Variants in EIF4E observed in about 807,000 individuals in gnomAD.
EIF4E encodes eIF-4F 25 kDa subunit.
For synonymous variants in EIF4E, 71 were observed against 88.5 expected (o/e 0.80, Z 1.11); for missense variants, 113 against 265.6 (o/e 0.43, Z 3.99).
At chr4:98,883,744 A>G (rs1330944856) in intron 6 of EIF4E, among the ~76,000 whole-genome samples, 1 of 148,142 alleles carries the variant, frequency 6.8e-6, no homozygotes, top group Non-Finnish European at 1.5e-5. Context: ...GAAATCTTAG[A>G]AAAAAAATGT....
chr4:98,894,874 T>G (rs1724307633), intron 2 of EIF4E, among the ~76,000 whole-genome samples: 1 of 152,236 alleles, frequency 6.6e-6, no homozygotes, highest in Non-Finnish European at 1.5e-5. Context: ...CATTTCAAGC[T>G]TTTGATTTAA....
At chr4:98,917,999 G>T (rs182648665) in intron 1 of EIF4E, among the ~76,000 whole-genome samples, 142 of 152,144 alleles carry the variant, frequency 9.3e-4, no homozygotes, top group African/African-American at 3.3e-3. Context: ...TCGCTTGAAC[G>T]TGGGAGGCGG....
At chr4:98,925,655 A>G (rs777876084) in intron 1 of EIF4E, among the ~76,000 whole-genome samples, 2 of 152,228 alleles carry the variant, frequency 1.3e-5, no homozygotes, top group East Asian at 1.9e-4. Context: ...ACTGAAAATG[A>G]TATTTTATGT....
rs185861864 is a variant in EIF4E, at chr4:98,891,959, T to G, written c.126-627A>C. Among the ~76,000 whole-genome samples, 38 of 152,220 alleles carry G rather than the reference T, an allele frequency of 2.5e-4. 1 individual carries two copies. The highest frequency in any genetic ancestry group is 8.4e-4 in the African/African-American group (35 of 41,526). On this transcript the variant is annotated intron_variant, in intron 2 of 6. Coordinates refer to ENST00000450253, the MANE Select transcript of EIF4E (RefSeq NM_001968.5). ...CTAGAGACCCAAGACACACTGAAAC[T>G]CATCACTCAACGGAATTCACAGAAA...
At chr4:98,885,147 C>A in intron 5 of EIF4E, 86 bp from the exon 6 acceptor site, 1 of 1,466,120 alleles carries the variant, frequency 6.8e-7, no homozygotes, top group Non-Finnish European at 9.3e-7. Context: ...TGCATAGAAA[C>A]TAAAGGCAGT....
chr4:98,927,291 T>C (rs1020560339), intron 1 of EIF4E, among the ~76,000 whole-genome samples: 9 of 152,214 alleles, frequency 5.9e-5, no homozygotes, highest in Admixed American at 3.9e-4. Flanking sequence ...AAGGTAAGGA[T>C]AGTTTACACC....
intron 1 of EIF4E, among the ~76,000 whole-genome samples, chr4:98,919,532 C>T (rs1725556020): frequency 6.6e-6 from 1 of 150,998 alleles, no homozygotes; most frequent in Non-Finnish European, 1.5e-5. Context: ...TACATTTGCA[C>T]ACACCAGAAT....
intron 1 of EIF4E, chr4:98,926,557 T>C (rs1245433643): frequency 1.3e-5 from 2 of 151,986 alleles, no homozygotes; most frequent in Admixed American, 1.3e-4. Flanking sequence ...AAAAAAAAAT[T>C]CATTTCTCAC....
At chr4:98,927,654 C>CAAAAAAAAAAAAAA (rs774720176) in intron 1 of EIF4E, among the ~76,000 whole-genome samples, 2 of 35,090 alleles carry the variant, frequency 5.7e-5, no homozygotes, top group Non-Finnish European at 1.1e-4. Context: ...GACTCCATCT[C>CAAAAAAAAAAAAAA]AAAAAAAAAA....
intron 2 of EIF4E, among the ~76,000 whole-genome samples, chr4:98,896,793 T>C (rs1433131791): frequency 6.9e-6 from 1 of 144,776 alleles, no homozygotes; most frequent in Admixed American, 7.1e-5. Context: ...GCCTGGGAAA[T>C]AGCAAAACTC....
chr4:98,887,331 A>C lies in EIF4E; in HGVS notation c.286-139T>G. On this transcript the variant is annotated intron_variant, in intron 4 of 6. Transcript: ENST00000450253. The surrounding 1 kb of genome is among the most constrained non-coding windows in gnomAD (Gnocchi z 4.0). ...AAACTGCCATTGATGTAGTTTTTAA[A>C]CAGCACATAAGACTTAAAGCCAGAG... 1 of 877,470 alleles carries C rather than the reference A, an allele frequency of 1.1e-6. No individual in the cohort carries two copies. The highest frequency in any genetic ancestry group is 1.9e-6 in the Non-Finnish European group (1 of 527,152). The allele number at this position is 877,470 out of a possible 1,614,324, so 54.4% of individuals were successfully genotyped here.
At chr4:98,903,767 G>A (rs1308747664) in intron 1 of EIF4E, among the ~76,000 whole-genome samples, 3 of 152,088 alleles carry the variant, frequency 2.0e-5, no homozygotes, top group Non-Finnish European at 4.4e-5. Flanking sequence ...AAATTTAAAT[G>A]TTTACACAGA....
intron 1 of EIF4E, among the ~76,000 whole-genome samples, chr4:98,915,510 T>C (rs1488014416): frequency 6.6e-6 from 1 of 152,004 alleles, no homozygotes; most frequent in Non-Finnish European, 1.5e-5. Flanking sequence ...CATCCCCTCA[T>C]GGGCCAACAG....
intron 1 of EIF4E, among the ~76,000 whole-genome samples, chr4:98,919,152 CA>C (rs1417762225): frequency 6.6e-6 from 1 of 151,908 alleles, no homozygotes; most frequent in Non-Finnish European, 1.5e-5. Context: ...ACTAAAAACA[CA>C]AAAATTAGTT....
intron 6 of EIF4E, among the ~76,000 whole-genome samples, chr4:98,883,726 G>A (rs1723798212): frequency 6.7e-6 from 1 of 149,768 alleles, no homozygotes; most frequent in Non-Finnish European, 1.5e-5. Context: ...ATATAATTGA[G>A]GTAAAAAGAA....
intron 1 of EIF4E, among the ~76,000 whole-genome samples, chr4:98,912,348 G>A (rs557456224): frequency 4.3e-4 from 66 of 151,828 alleles, no homozygotes; most frequent in African/African-American, 1.3e-3. Flanking sequence ...AGGCCAACAC[G>A]GGTGGATCAT....
intron 1 of EIF4E, among the ~76,000 whole-genome samples, chr4:98,924,560 C>G (rs1725789768): frequency 6.6e-6 from 1 of 151,904 alleles, no homozygotes; most frequent in Non-Finnish European, 1.5e-5. Flanking sequence ...CTCATTAACT[C>G]AGATTATAAA....
intron 2 of EIF4E, among the ~76,000 whole-genome samples, chr4:98,901,464 G>A (rs1034085597): frequency 6.6e-6 from 1 of 150,890 alleles, no homozygotes; most frequent in East Asian, 1.9e-4. Context: ...CTCCGCCTCC[G>A]CCTCCTGAAG....
intron 2 of EIF4E, among the ~76,000 whole-genome samples, chr4:98,896,629 T>C (rs1354687469): frequency 8.4e-6 from 1 of 118,868 alleles, no homozygotes; most frequent in Non-Finnish European, 1.6e-5. Context: ...ATGCCACTGC[T>C]CCCCAGTCTG....
Sources: gnomAD v4.1 joint callset for allele counts (sites outside exome capture counted in the v4.1 genomes callset) on GRCh38, gnomAD v4.1.1 for gene constraint, Gnocchi (gnomAD v3.1) non-coding constraint, MANE v1.5 for transcripts, NCBI Gene and HGNC (gene_info 2026-07-23, HGNC 2026-07-21) for gene names.